The following PLD5 variants were observed in gnomAD, a reference collection of about 807,000 sequenced individuals.
PLD5 encodes phospholipase D family member 5, also known as inactive phospholipase D5.
A neutral mutation model predicts 61.1 loss-of-function variants in PLD5; 36 were observed. The observed-to-expected ratio is 0.59, with a 90% confidence interval of 0.45 to 0.78. The LOEUF (loss-of-function observed/expected upper bound fraction) is 0.78, where lower values mean the gene tolerates loss of function less well. PLD5 is among the 30% of genes least tolerant of loss of function. PLD5 has a pLI of 0.00. For synonymous variants in PLD5, 243 were observed against 242.8 expected (o/e 1.00, Z -0.01); for missense variants, 515 against 644.4 (o/e 0.80, Z 2.17).
chr1:242,196,463 C>T (rs1668643428), intron 5 of PLD5, among the ~76,000 whole-genome samples: 1 of 152,040 alleles, frequency 6.6e-6, no homozygotes. Flanking sequence ...TGATGATGGG[C>T]CCTCTATCTA....
rs539308504 is a variant in PLD5, at chr1:242,161,931, G to A, written c.736-37266C>T. On this transcript the variant is annotated intron_variant, in intron 5 of 9. Coordinates refer to ENST00000536534, the MANE Select transcript of PLD5 (RefSeq NM_001372062.1). ...GGTTGATGACACTGGATCCTTGCAA[G>A]CTGGACATCTCGGAACAACAGACAC... Among the ~76,000 whole-genome samples, 25 of 152,304 alleles carry A rather than the reference G, an allele frequency of 1.6e-4. No homozygotes were observed. In the South Asian group the frequency reaches 2.9e-3, roughly 18 times the overall value.
chr1:242,394,146 A>T (rs184875247), intron 1 of PLD5, among the ~76,000 whole-genome samples: 1 of 117,418 alleles, frequency 8.5e-6, no homozygotes, highest in Admixed American at 1.0e-4. Flanking sequence ...GAGTATATAT[A>T]TGTGTATATA....
At chr1:242,321,594 C>T (rs1658413870) in intron 2 of PLD5, among the ~76,000 whole-genome samples, 1 of 152,110 alleles carries the variant, frequency 6.6e-6, no homozygotes, top group Admixed American at 6.5e-5. Flanking sequence ...TGTCAGCCAC[C>T]ACGCCCGGCC....
At chr1:242,367,327 A>AGGCAACAG (rs1460454089) in intron 1 of PLD5, among the ~76,000 whole-genome samples, 1 of 152,182 alleles carries the variant, frequency 6.6e-6, no homozygotes, top group Admixed American at 6.5e-5. Context: ...CTAAGTCTAG[A>AGGCAACAG]GGCAACAGAG....
At chr1:242,199,316 G>T (rs139624396) in intron 5 of PLD5, among the ~76,000 whole-genome samples, 2 of 151,886 alleles carry the variant, frequency 1.3e-5, no homozygotes, top group South Asian at 2.1e-4. Flanking sequence ...GTGCAGTGGC[G>T]CAATCTTGGC....
At chr1:242,123,840 T>G (rs150374265) in intron 6 of PLD5, among the ~76,000 whole-genome samples, 151 of 152,286 alleles carry the variant, frequency 9.9e-4, no homozygotes, top group African/African-American at 3.6e-3. Flanking sequence ...GGCATGTGCC[T>G]AGCTGGGTGG....
chr1:242,419,386 GTT>G (rs58320205), intron 1 of PLD5, among the ~76,000 whole-genome samples: 10 of 96,532 alleles, frequency 1.0e-4, no homozygotes, highest in African/African-American at 1.2e-4. Flanking sequence ...CCTGATTTTT[GTT>G]TTTTTTTTTT....
At chr1:242,373,828 A>T (rs1264372655) in intron 1 of PLD5, among the ~76,000 whole-genome samples, 1 of 151,458 alleles carries the variant, frequency 6.6e-6, no homozygotes, top group Non-Finnish European at 1.5e-5. Flanking sequence ...GAGGGATAGC[A>T]TTAGGAGATA....
chr1:242,497,913 G>GATAAA (rs2102986501), intron 1 of PLD5, among the ~76,000 whole-genome samples: 1 of 152,304 alleles, frequency 6.6e-6, no homozygotes, highest in Admixed American at 6.5e-5. Flanking sequence ...AGGAGCAGAG[G>GATAAA]GAAGGTAGTT....
At chr1:242,500,564 A>T (rs1482472044) in intron 1 of PLD5, among the ~76,000 whole-genome samples, 1 of 152,240 alleles carries the variant, frequency 6.6e-6, no homozygotes, top group Non-Finnish European at 1.5e-5. Context: ...AATTCATAAA[A>T]GCAAGAAAGA....
rs148958765 is a variant in PLD5, at chr1:242,262,371, C to T, written c.607+2966G>A. Among the ~76,000 whole-genome samples, 86 of 152,276 alleles carry T rather than the reference C, an allele frequency of 5.6e-4. 1 individual carries two copies. Among genetic ancestry groups the T allele is most frequent in the African/African-American group, 1.9e-3 (77 of 41,574 alleles). On this transcript the variant is annotated intron_variant, in intron 4 of 9. Coordinates refer to ENST00000536534, the MANE Select transcript of PLD5 (RefSeq NM_001372062.1). ...CAACGTTCTACATCTTGACCCGTGA[C>T]GGTTTTATGTGGATGTGTTTACTTT...
intron 1 of PLD5, among the ~76,000 whole-genome samples, chr1:242,406,614 T>G (rs73130390): frequency 0.04 from 6,142 of 152,312 alleles, 425 homozygotes; most frequent in African/African-American, 0.14. Context: ...CCTGGAAAAG[T>G]TGCAGAGAAA....
intron 8 of PLD5, among the ~76,000 whole-genome samples, chr1:242,106,002 A>G (rs966862968): frequency 6.6e-6 from 1 of 152,172 alleles, no homozygotes; most frequent in Non-Finnish European, 1.5e-5. Flanking sequence ...TAGGACCCCA[A>G]ACTCCTTTAA....
intron 5 of PLD5, among the ~76,000 whole-genome samples, chr1:242,179,096 C>T (rs1667355364): frequency 2.0e-5 from 3 of 152,226 alleles, no homozygotes; most frequent in African/African-American, 7.2e-5. Flanking sequence ...GTGAGCCACT[C>T]ATGCAGAGCA....
rs1412084802 is a variant in PLD5, at chr1:242,524,126, C to A, written c.151G>T (p.Ala51Ser). 6.5e-6 allele frequency: 10 copies of A among 1,535,328 alleles called. No individual in the cohort carries two copies. The highest frequency in any genetic ancestry group is 8.7e-6 in the Non-Finnish European group (10 of 1,146,434). ...TCTTTCCTCCGAAGCCAGACGCTGG[C>A]GCTGTAGTCCTGCTGCTTGACGCTG... ...YSSVKQQDYS[A>S]SVWLRRKDKL... is the part of the protein sequence containing the mutation. Residue 51 changes from alanine to serine, a missense_variant, in exon 1 of 10, where the codon GCC (alanine) becomes TCC (serine). Coordinates refer to ENST00000536534, the MANE Select transcript of PLD5 (RefSeq NM_001372062.1).
In PLD5 at chr1:242,113,834, G is replaced by C. The variant is rs914350557; in HGVS notation, c.1070+56C>G. 6 of 1,564,490 alleles carry C rather than the reference G, an allele frequency of 3.8e-6. No homozygotes were observed. The African/African-American group carries it at 8.2e-5, about 21-fold the overall frequency. ...AGGCTGGCTTCTCCTGTGGTGCCCA[G>C]TTTAGTGCCTGGTCTTAGGGACTGG... On this transcript the variant is annotated intron_variant, in intron 7 of 9. Coordinates refer to ENST00000536534, the MANE Select transcript of PLD5 (RefSeq NM_001372062.1).
At chr1:242,497,241 A>G (rs1252574678) in intron 1 of PLD5, among the ~76,000 whole-genome samples, 1 of 152,204 alleles carries the variant, frequency 6.6e-6, no homozygotes, top group African/African-American at 2.4e-5. Flanking sequence ...TACTAATACC[A>G]CAACATTCAG....
chr1:242,163,640 C>T (rs917355584), intron 5 of PLD5, among the ~76,000 whole-genome samples: 1 of 152,148 alleles, frequency 6.6e-6, no homozygotes, highest in East Asian at 1.9e-4. Flanking sequence ...GCTGTCCATT[C>T]ATTCTATCTC....
chr1:242,444,030 C>T (rs1474748124), intron 1 of PLD5, among the ~76,000 whole-genome samples: 2 of 152,258 alleles, frequency 1.3e-5, no homozygotes, highest in Admixed American at 6.5e-5. Context: ...GGAGGCTCAA[C>T]AATAGGATAA....
Sources: gnomAD v4.1 joint callset for allele counts (sites outside exome capture counted in the v4.1 genomes callset) on GRCh38, gnomAD v4.1.1 for gene constraint, MANE v1.5 for transcripts, NCBI Gene and HGNC (gene_info 2026-07-23, HGNC 2026-07-21) for gene names.